The following DLG3 variants were observed in gnomAD, a reference collection of about 807,000 sequenced individuals.
DLG3 encodes the protein disks large homolog 3.
In DLG3, 1 loss-of-function variant was observed where a neutral mutation model predicts 64.1. The observed-to-expected ratio is 0.02, with a 90% CI of 0.01 to 0.07. DLG3 has a LOEUF of 0.07. Among genes scored for constraint, DLG3 ranks in the 10% least tolerant of loss-of-function variants. The probability of loss-of-function intolerance (pLI) is 1.00; values close to 1 mark genes in which losing one functional copy is unlikely to be tolerated. For missense variants in DLG3, 429 were observed against 669.5 expected (o/e 0.64, Z 3.96); for synonymous variants, 245 against 259.8 (o/e 0.94, Z 0.55).
At chrX:70,497,235 A>T (rs1022799210) in intron 13 of DLG3, 1 of 1,203,649 alleles carries the variant, frequency 8.3e-7, no homozygotes, top group Non-Finnish European at 1.1e-6. Context: ...AGTGTGTGTC[A>T]TTCCTTCCAT....
In DLG3 at chrX:70,503,973, C is replaced by T. The variant is rs1422649580; in HGVS notation, c.*1704C>T. 9.0e-6 allele frequency: 1 copy of T among 111,607 alleles called. No homozygotes were observed. Among genetic ancestry groups the T allele is most frequent in the Admixed American group, 9.6e-5 (1 of 10,435 alleles). The allele number at this position is 111,607 out of a possible 1,213,427, so 9.2% of individuals were successfully genotyped here. A position where few individuals can be genotyped will look rare whatever the true frequency, so the allele number is the denominator to read the frequency against. The stretch of plus-strand genomic sequence containing the variant: ...TGTTTCCTAGCCCGCTGGGTTAGGG[C>T]TGGTGCAAGCGAGGCAATGTTGAGG... On this transcript the variant is annotated 3_prime_UTR_variant, in exon 19 of 19. Transcript: ENST00000374360.
At position 70,445,163 on chromosome X, in the gene DLG3, G is replaced by T; in HGVS notation, c.-39G>T. ...CGGCGGTGGCGGCGGCGTGGAATCC[G>T]GCGTGGGCTGGGGGGTCCGAGCCGC... On this transcript the variant is annotated 5_prime_UTR_variant, in exon 1 of 19. Coordinates refer to ENST00000374360, the MANE Select transcript of DLG3 (RefSeq NM_021120.4). 1 of 1,074,984 alleles carries T rather than the reference G, an allele frequency of 9.3e-7. No individual in the cohort carries two copies. Among genetic ancestry groups the T allele is most frequent in the Non-Finnish European group, 1.2e-6 (1 of 806,566 alleles). The allele number at this position is 1,074,984 out of a possible 1,213,427, so 88.6% of individuals were successfully genotyped here.
chrX:70,486,668 T>TTTTC (rs776074653), intron 10 of DLG3, among the ~76,000 whole-genome samples: 2 of 101,743 alleles, frequency 2.0e-5, no homozygotes, highest in African/African-American at 7.0e-5. Flanking sequence ...TTTTTTTTTT[T>TTTTC]TCATGCTCAC....
chrX:70,457,150 C>A (rs192348756), intron 9 of DLG3, among the ~76,000 whole-genome samples: 2 of 112,061 alleles, frequency 1.8e-5, no homozygotes, highest in East Asian at 5.6e-4. Flanking sequence ...TGAAGGTCAG[C>A]ATCAGAGGGT....
chrX:70,451,797 A>G, intron 6 of DLG3, 70 bp from the exon 7 acceptor site: 1 of 1,157,037 alleles, frequency 8.6e-7, no homozygotes, highest in Non-Finnish European at 1.2e-6. Context: ...TGTGGGGGAA[A>G]GTCCTTGAGG....
chrX:70,461,584 T>C (rs774969685), intron 9 of DLG3, among the ~76,000 whole-genome samples: 1 of 110,167 alleles, frequency 9.1e-6, no homozygotes, highest in East Asian at 2.9e-4. Context: ...CTTTTTTTTT[T>C]TTTTGAGACA....
chrX:70,494,263 C>A (rs1050162541), intron 12 of DLG3, among the ~76,000 whole-genome samples: 1 of 112,580 alleles, frequency 8.9e-6, no homozygotes, highest in African/African-American at 3.2e-5. Context: ...ACTGCTCCAA[C>A]CTTAACCTTA....
At chrX:70,476,904 A>C (rs924446190) in intron 9 of DLG3, among the ~76,000 whole-genome samples, 16 of 112,924 alleles carry the variant, frequency 1.4e-4, no homozygotes, top group Non-Finnish European at 2.6e-4. Context: ...TGGAACTCTA[A>C]GGGAATCATC....
intron 7 of DLG3, chrX:70,452,755 G>A: frequency 8.5e-7 from 1 of 1,182,223 alleles, no homozygotes; most frequent in Non-Finnish European, 1.1e-6. Flanking sequence ...GGGGATGCCA[G>A]GTAGGAGTGG....
chrX:70,476,590 T>C (rs2087057969), intron 9 of DLG3, among the ~76,000 whole-genome samples: 1 of 112,390 alleles, frequency 8.9e-6, no homozygotes, highest in African/African-American at 3.2e-5. Flanking sequence ...CAGCCGCCTA[T>C]TGTGGGTTGT....
intron 15 of DLG3, 73 bp from the exon 16 acceptor site, chrX:70,499,804 G>T: frequency 9.2e-7 from 1 of 1,091,019 alleles, no homozygotes; most frequent in South Asian, 2.0e-5. Flanking sequence ...GATGAGAATG[G>T]ACCAGTCAGT....
chrX:70,473,157 C>CAAAA (rs59440260), intron 9 of DLG3, among the ~76,000 whole-genome samples: 1 of 42,170 alleles, frequency 2.4e-5, no homozygotes, highest in African/African-American at 8.4e-5. Flanking sequence ...AACTCCGTCT[C>CAAAA]AAAAAAAAAA....
rs752490212 is a variant in DLG3 at position 70,500,953 on chromosome X, A to G, written c.2311A>G (p.Met771Val). 1 of 1,202,264 alleles carries G rather than the reference A, an allele frequency of 8.3e-7. No individual in the cohort carries two copies. The highest frequency in any genetic ancestry group is 1.7e-5 in the African/African-American group (1 of 57,426). The change falls in exon 18 of 19, where the codon ATG becomes GTG. Residue 771 changes from methionine to valine, a missense_variant. Physicochemically the swap from Met to Val is conservative, Grantham distance 21. Coordinates refer to ENST00000374360, the MANE Select transcript of DLG3 (RefSeq NM_021120.4). ...AGCAAATAAGATCTATGACAAAGCC[A>G]TGAAACTGGAGCAGGAATTTGGAGA... ...EQANKIYDKA[M>V]KLEQEFGEYF... is the part of the protein sequence containing the mutation.
At chrX:70,479,124 C>CA (rs2087108986) in intron 9 of DLG3, 26 bp from the exon 10 acceptor site, 1 of 1,172,675 alleles carries the variant, frequency 8.5e-7, no homozygotes. Context: ...ATTCTTTTCC[C>CA]ATCTTTTCCC....
At chrX:70,476,426 C>A (rs910762553) in intron 9 of DLG3, among the ~76,000 whole-genome samples, 3 of 111,136 alleles carry the variant, frequency 2.7e-5, no homozygotes, top group African/African-American at 9.8e-5. Flanking sequence ...GGGAGCTTGG[C>A]GAGTCCTGAA....
rs944083525 is a variant in DLG3, at chrX:70,497,519, G to A, written c.1820-1001G>A. Among the ~76,000 whole-genome samples the A allele has an allele frequency of 1.8e-5, 2 of 112,401 alleles. 1 individual carries two copies. Among genetic ancestry groups the A allele is most frequent in the Non-Finnish European group, 3.8e-5 (2 of 53,294 alleles). On this transcript the variant is annotated intron_variant, in intron 13 of 18. Transcript: ENST00000374360. ...TAAATCCCTGCCATGGGTACTGTGG[G>A]CCATAGGTGCTGCCAGGTTTATAGA...
chrX:70,461,573 CCT>C, intron 9 of DLG3, among the ~76,000 whole-genome samples: 1 of 102,733 alleles, frequency 9.7e-6, no homozygotes, highest in Non-Finnish European at 2.0e-5. Context: ...TAGGGCCCCC[CCT>C]TTTTTTTTTT....
Position 70,471,491 on chromosome X carries a change from G to A in DLG3, c.1406-7659G>A, listed in dbSNP as rs189948773. 2.5e-3 allele frequency among the ~76,000 whole-genome samples: 277 copies of A among 110,289 alleles called. 13 individuals are homozygous for A. In the East Asian group the frequency reaches 0.068, roughly 27 times the overall value. ...ACTACAGGCGCCCGCCACCACGCCC[G>A]GCTAATTTTTTGTATTTTCAGTAGA... On this transcript the variant is annotated intron_variant, in intron 9 of 18. Coordinates refer to ENST00000374360, the MANE Select transcript of DLG3 (RefSeq NM_021120.4).
intron 10 of DLG3, among the ~76,000 whole-genome samples, chrX:70,484,504 AT>A (rs1185955306): frequency 1.8e-5 from 2 of 111,683 alleles, no homozygotes; most frequent in African/African-American, 6.5e-5. Flanking sequence ...ATGGGGAAAT[AT>A]TGGCAGGCTT....
Sources: gnomAD v4.1 joint callset for allele counts (sites outside exome capture counted in the v4.1 genomes callset) on GRCh38, gnomAD v4.1.1 for gene constraint, MANE v1.5 for transcripts, NCBI Gene and HGNC (gene_info 2026-07-23, HGNC 2026-07-21) for gene names.